MLXIPL: variants seen among roughly 807,000 people sequenced by gnomAD.
The protein encoded by MLXIPL is carbohydrate-responsive element-binding protein.
A neutral mutation model predicts 81.5 loss-of-function variants in MLXIPL; 49 were observed. That is an observed-to-expected ratio of 0.60 (90% CI 0.48 to 0.76). The LOEUF is 0.76. Ranked by LOEUF, MLXIPL falls within the 30% of genes least tolerant of loss-of-function variation. The probability of loss-of-function intolerance (pLI) is 0.00; values close to 1 mark genes in which losing one functional copy is unlikely to be tolerated. For synonymous variants in MLXIPL, 466 were observed against 485.5 expected, an observed-to-expected ratio of 0.96 and a Z score of 0.53; for missense variants, 1,053 against 1,167.0, an observed-to-expected ratio of 0.90 and a Z score of 1.42.
chr7:73,605,794 C>A (rs1554597786), intron 6 of MLXIPL, 26 bp from the exon 7 acceptor site: 1 of 1,609,440 alleles, frequency 6.2e-7, no homozygotes, highest in Non-Finnish European at 8.5e-7. Flanking sequence ...GCGACATCAG[C>A]AGCAGCAGGC....
chr7:73,607,683 G>A lies in MLXIPL; in HGVS notation c.401-11C>T, dbSNP rs1554598799. On this transcript the variant is annotated splice_polypyrimidine_tract_variant and intron_variant, in intron 2 of 16. Coordinates refer to ENST00000313375, the MANE Select transcript of MLXIPL (RefSeq NM_032951.3). Reference sequence around the variant, plus strand: ...TCCTCCGCTTCACATCTGAGAGAAGGGGGCCAGGTCAGGGGCACCCAGCTT... The same window carrying A: ...TCCTCCGCTTCACATCTGAGAGAAGAGGGCCAGGTCAGGGGCACCCAGCTT... 1.2e-6 allele frequency: 2 copies of A among 1,612,696 alleles called. No homozygotes were observed. The highest frequency in any genetic ancestry group is 1.7e-6 in the Non-Finnish European group (2 of 1,179,620).
chr7:73,626,365 C>T (rs782728714), upstream of MLXIPL, among the ~76,000 whole-genome samples: 11 of 152,180 alleles, frequency 7.2e-5, no homozygotes, highest in African/African-American at 2.2e-4. Flanking sequence ...TGCAGAGGCA[C>T]GGTCATAGCT....
rs542696574 is a variant in MLXIPL, at chr7:73,595,282, A to G, written c.2310+355T>C. On this transcript the variant is annotated intron_variant, in intron 15 of 16. Coordinates refer to ENST00000313375, the MANE Select transcript of MLXIPL (RefSeq NM_032951.3). Reference sequence around the variant, plus strand: ...AGCTCCCTGCCTGGGCTCAGTCAAGAACTTGACCCCTGAGCCAGATCAGGG... The same window carrying G: ...AGCTCCCTGCCTGGGCTCAGTCAAGGACTTGACCCCTGAGCCAGATCAGGG... Among the ~76,000 whole-genome samples the G allele has an allele frequency of 5.9e-5, 9 of 152,148 alleles. No homozygotes were observed. The South Asian group carries it at 1.5e-3, about 25-fold the overall frequency.
At chr7:73,594,129 C>T (rs897767589) in intron 16 of MLXIPL, 145 bp downstream of exon 16, 14 of 1,429,634 alleles carry the variant, frequency 9.8e-6, no homozygotes, top group African/African-American at 1.4e-5. Flanking sequence ...CGTCTGGTGG[C>T]CAGAGGACCA....
Position 73,624,408 on chromosome 7 carries a change from A to AGTCTGT in MLXIPL, c.79_84dup (p.Thr27_Asp28dup), listed in dbSNP as rs1554603120. On this transcript the variant is annotated inframe_insertion, in exon 1 of 17. Transcript: ENST00000313375. ...CTGCGCCGGAGACTCGGGTCCTCCG[A>AGTCTGT]GTCTGTGTCCGAGTCCGAGTCTGGG... 1 of 1,567,266 alleles carries AGTCTGT rather than the reference A, an allele frequency of 6.4e-7. No individual in the cohort carries two copies. The highest frequency in any genetic ancestry group is 1.4e-5 in the African/African-American group (1 of 73,666).
In MLXIPL at chr7:73,606,446, G is replaced by C. The variant is rs1264197443; in HGVS notation, c.619-335C>G. 6 of 378,802 alleles carry C rather than the reference G, an allele frequency of 1.6e-5. No individual in the cohort carries two copies. The East Asian group carries it at 2.8e-4, about 17-fold the overall frequency. 23.5% of individuals were successfully genotyped at this position (378,802 alleles called of 1,614,324 possible). Reference sequence around the variant, plus strand: ...TCTTTTTCTTTTTTTTTTTTTTGGAGACGGAGTCTCACTCTGTTGCCCAGG... The same window carrying C: ...TCTTTTTCTTTTTTTTTTTTTTGGACACGGAGTCTCACTCTGTTGCCCAGG... On this transcript the variant is annotated intron_variant, in intron 5 of 16. Transcript: ENST00000313375.
At chr7:73,606,406 T>C (rs1554598142) in intron 5 of MLXIPL, 2 of 498,068 alleles carry the variant, frequency 4.0e-6, no homozygotes, top group Non-Finnish European at 7.1e-6. Flanking sequence ...TTTTTTTTTT[T>C]GTTTGTTTTC....
chr7:73,602,357 C>A (rs1554596629), intron 7 of MLXIPL, among the ~76,000 whole-genome samples: 2 of 151,164 alleles, frequency 1.3e-5, no homozygotes, highest in African/African-American at 2.4e-5. Flanking sequence ...GATTACAGGC[C>A]CCCCTGCTGC....
In MLXIPL at chr7:73,615,152, G is replaced by T. The variant is rs147000493; in HGVS notation, c.400+919C>A. Among the ~76,000 whole-genome samples, 1,336 of 152,244 alleles carry T rather than the reference G, an allele frequency of 8.8e-3. 21 individuals are homozygous for T. Among genetic ancestry groups the T allele is most frequent in the Non-Finnish European group, 8.0e-3 (541 of 68,008 alleles). On this transcript the variant is annotated intron_variant, in intron 2 of 16. Coordinates refer to ENST00000313375, the MANE Select transcript of MLXIPL (RefSeq NM_032951.3). Reference sequence around the variant, plus strand: ...CAAGTTCAGAGAGGCTAGGCAACTAGCCTGAAGTCACACAGCCAGCAAGGG... The same window carrying T: ...CAAGTTCAGAGAGGCTAGGCAACTATCCTGAAGTCACACAGCCAGCAAGGG...
the MLXIPL span, among the ~76,000 whole-genome samples, chr7:73,630,304 T>C: frequency 6.8e-6 from 1 of 147,606 alleles, no homozygotes; most frequent in Non-Finnish European, 1.5e-5. Context: ...TTTTTTTTTT[T>C]TTGAGATGGA....
chr7:73,625,609 T>A (rs533964092), upstream of MLXIPL, among the ~76,000 whole-genome samples: 1 of 151,802 alleles, frequency 6.6e-6, no homozygotes, highest in Admixed American at 6.6e-5. Flanking sequence ...ATACAAAAAT[T>A]ACCGGATGTG....
chr7:73,621,388 C>T (rs1456741188), intron 1 of MLXIPL, among the ~76,000 whole-genome samples: 1 of 151,616 alleles, frequency 6.6e-6, no homozygotes, highest in African/African-American at 2.4e-5. Context: ...CTTGCCAGGC[C>T]TCTGCAGGCT....
chr7:73,621,866 T>C (rs1157999854), intron 1 of MLXIPL, among the ~76,000 whole-genome samples: 3 of 30,750 alleles, frequency 9.8e-5, no homozygotes, highest in South Asian at 1.8e-3. Flanking sequence ...TCCTTCTCCC[T>C]CCCTCCTCCA....
At position 73,593,807 on chromosome 7, in the gene MLXIPL, C is replaced by T. The variant is rs139637712; in HGVS notation, c.*58G>A. 3.7e-5 allele frequency: 52 copies of T among 1,411,270 alleles called. No individual in the cohort carries two copies. The highest frequency in any genetic ancestry group is 1.1e-4 in the African/African-American group (8 of 70,912). The allele number at this position is 1,411,270 out of a possible 1,614,324, so 87.4% of individuals were successfully genotyped here. A position where few individuals can be genotyped will look rare whatever the true frequency, so the allele number is the denominator to read the frequency against. On this transcript the variant is annotated 3_prime_UTR_variant, in exon 17 of 17. Transcript: ENST00000313375. ...GTGCCCAGAGATGATCCCTGGAGCC[C>T]GTGCCCAGGGAAAGCAGCCCCCAGG...
intron 3 of MLXIPL, 79 bp from the exon 4 acceptor site, chr7:73,607,499 T>G (rs1795388244): frequency 1.3e-6 from 2 of 1,553,966 alleles, no homozygotes; most frequent in Non-Finnish European, 1.8e-6. Context: ...ACCCCATCCC[T>G]GTCTGCTCAG....
intron 6 of MLXIPL, 28 bp downstream of exon 6, chr7:73,605,881 CT>C (rs1554597852): frequency 6.4e-7 from 1 of 1,568,046 alleles, no homozygotes; most frequent in Non-Finnish European, 8.7e-7. Flanking sequence ...GCCTTCACCC[CT>C]CTCCCCTGCC....
At chr7:73,607,492 C>T (rs1420409133) in intron 3 of MLXIPL, 72 bp from the exon 4 acceptor site, 3 of 1,541,030 alleles carry the variant, frequency 1.9e-6, no homozygotes, top group African/African-American at 1.4e-5. Context: ...ACCCTTCACC[C>T]CATCCCTGTC....
In MLXIPL at chr7:73,597,198, T is replaced by A; in HGVS notation, c.1587A>T (p.Thr529=). 1 of 1,602,940 alleles carries A rather than the reference T, an allele frequency of 6.2e-7. No individual in the cohort carries two copies. Among genetic ancestry groups the A allele is most frequent in the Non-Finnish European group, 8.5e-7 (1 of 1,177,266 alleles). ...TTAGSNNPCL[T]QLLTAAKPEQ... ...GGCCCTCACCTGCTGTGAGCAGCTG[T>A]GTGAGGCAGGGGTTGTTGCTCCCCG... Residue 529 remains threonine, a synonymous_variant, in exon 9 of 17, where the codon ACA becomes ACT. Coordinates refer to ENST00000313375, the MANE Select transcript of MLXIPL (RefSeq NM_032951.3).
rs781977396 is a variant in MLXIPL, at chr7:73,596,950, C to T, written c.1604-18G>A. On this transcript the variant is annotated intron_variant, in intron 9 of 16. Coordinates refer to ENST00000313375, the MANE Select transcript of MLXIPL (RefSeq NM_032951.3). This position sits in a 1 kb window ranked among gnomAD's most constrained non-coding sequence, Gnocchi z 4.7. Reference sequence around the variant, plus strand: ...CGGCTTAGCTGTGCACGGGCAGAACCGTGAGGCTACTGGGGCTGGCCCACC... The same window carrying T: ...CGGCTTAGCTGTGCACGGGCAGAACTGTGAGGCTACTGGGGCTGGCCCACC... The T allele has an allele frequency of 2.3e-5, 37 of 1,603,490 alleles. No homozygotes were observed. Among genetic ancestry groups the T allele is most frequent in the South Asian group, 2.2e-4 (20 of 89,084 alleles).
Sources: allele counts gnomAD v4.1 joint callset (sites outside exome capture counted in the v4.1 genomes callset), GRCh38; gene constraint gnomAD v4.1.1; non-coding constraint Gnocchi (gnomAD v3.1); transcripts MANE v1.5; gene names NCBI Gene and HGNC (gene_info 2026-07-23, HGNC 2026-07-21).